AHCYL2: variants seen among roughly 807,000 people sequenced by gnomAD.
AHCYL2 encodes adenosylhomocysteinase like 2, also known as S-adenosylhomocysteine hydrolase-like protein 2.
A neutral mutation model predicts 81.4 loss-of-function variants in AHCYL2; 28 were observed. The observed-to-expected ratio is 0.34, with a 90% confidence interval of 0.25 to 0.47. The LOEUF is 0.47. Among genes scored for constraint, AHCYL2 ranks in the 20% least tolerant of loss-of-function variants. The probability of loss-of-function intolerance (pLI) is 1.00; values close to 1 mark genes in which losing one functional copy is unlikely to be tolerated. For synonymous variants in AHCYL2, 272 were observed against 290.2 expected (o/e 0.94, Z 0.64); for missense variants, 551 against 785.1 (o/e 0.70, Z 3.56).
chr7:129,340,839 C>T (rs1033445204), intron 1 of AHCYL2, among the ~76,000 whole-genome samples: 4 of 152,076 alleles, frequency 2.6e-5, no homozygotes, highest in African/African-American at 7.2e-5. Context: ...AATGTTTAAT[C>T]ACTCTTGAAT....
chr7:129,413,756 G>C (rs1442722690), intron 12 of AHCYL2, 68 bp downstream of exon 12: 1 of 1,325,120 alleles, frequency 7.5e-7, no homozygotes, highest in Admixed American at 1.7e-5. Context: ...TGGAAAATGA[G>C]AGAGCAGGGT....
rs1407425205 is a variant in AHCYL2 at position 129,225,144 on chromosome 7, G to A, written c.68G>A (p.Ser23Asn). Residue 23 changes from serine (S) to asparagine (N), a missense_variant, in exon 1 of 17, where the codon AGC (serine) becomes AAC (asparagine). By Grantham distance (46) the Ser-to-Asn change is conservative. This residue lies in a region of AHCYL2 where 235 missense variants were observed against 242.1 expected (regional missense o/e 0.97). Transcript: ENST00000325006. ...KVPEVELKDL[S>N]PSEAESQLGL... ...CCTGAGGTGGAGCTGAAGGACCTGA[G>A]CCCCTCCGAGGCGGAGTCGCAACTA... 1.2e-6 allele frequency: 2 copies of A among 1,601,836 alleles called. No individual in the cohort carries two copies.
chr7:129,237,980 A>G (rs2150684584), intron 1 of AHCYL2, among the ~76,000 whole-genome samples: 1 of 152,158 alleles, frequency 6.6e-6, no homozygotes, highest in South Asian at 2.1e-4. Flanking sequence ...TCGGCCTCCC[A>G]AAGTGCTGGG....
At chr7:129,358,591 G>A (rs1421917301) in intron 1 of AHCYL2, among the ~76,000 whole-genome samples, 1 of 152,206 alleles carries the variant, frequency 6.6e-6, no homozygotes, top group Non-Finnish European at 1.5e-5. Flanking sequence ...GGGCTGGAGG[G>A]AAGGGAGAAT....
chr7:129,307,054 G>A (rs567017721), intron 1 of AHCYL2, among the ~76,000 whole-genome samples: 6 of 152,318 alleles, frequency 3.9e-5, no homozygotes, highest in African/African-American at 1.4e-4. Context: ...CAGTCCTGAA[G>A]CCAGTAAAGT....
chr7:129,225,839 A>G (rs903777017), intron 1 of AHCYL2, among the ~76,000 whole-genome samples: 1 of 152,192 alleles, frequency 6.6e-6, no homozygotes, highest in Non-Finnish European at 1.5e-5. Context: ...AATAAGGATG[A>G]AAAGATCTTT....
At chr7:129,423,705 G>A (rs1488770845) in intron 13 of AHCYL2, among the ~76,000 whole-genome samples, 1 of 151,704 alleles carries the variant, frequency 6.6e-6, no homozygotes. Flanking sequence ...TTATATTAAA[G>A]AACCTGAATA....
chr7:129,235,227 T>C (rs1278178073), intron 1 of AHCYL2, among the ~76,000 whole-genome samples: 3 of 152,166 alleles, frequency 2.0e-5, no homozygotes, highest in African/African-American at 7.2e-5. Flanking sequence ...TTCCATCTTA[T>C]TTCTCTAGCT....
intron 1 of AHCYL2, among the ~76,000 whole-genome samples, chr7:129,340,511 T>C (rs558566860): frequency 2.0e-4 from 29 of 147,476 alleles, no homozygotes; most frequent in African/African-American, 6.5e-4. Context: ...GAACTTGCAG[T>C]GAGCCGAGAT....
intron 5 of AHCYL2, among the ~76,000 whole-genome samples, chr7:129,398,705 C>G (rs999545352): frequency 2.6e-5 from 4 of 151,758 alleles, no homozygotes; most frequent in African/African-American, 9.7e-5. Context: ...TAAACAAATG[C>G]TTACTGACCT....
At position 129,336,071 on chromosome 7, in the gene AHCYL2, CT is replaced by C. The variant is rs11373631; in HGVS notation, c.364-43550del. 6.2e-3 allele frequency among the ~76,000 whole-genome samples: 734 copies of C among 118,400 alleles called. 5 individuals carry two copies. Among genetic ancestry groups the C allele is most frequent in the African/African-American group, 0.024 (668 of 27,368 alleles). The allele number at this position is 118,400 out of a possible 152,430, so 77.7% of individuals were successfully genotyped here. A position where few individuals can be genotyped will look rare whatever the true frequency, so the allele number is the denominator to read the frequency against. On this transcript the variant is annotated intron_variant, in intron 1 of 16. Coordinates refer to ENST00000325006, the MANE Select transcript of AHCYL2 (RefSeq NM_015328.4). ...CTTCTTTTCTCTTCTCTTTTCTTTC[CT>C]TTTTTTTTTTTTTTTTGACGGAGTC...
intron 1 of AHCYL2, among the ~76,000 whole-genome samples, chr7:129,317,957 A>G (rs1186966744): frequency 6.6e-6 from 1 of 152,232 alleles, no homozygotes; most frequent in Non-Finnish European, 1.5e-5. Context: ...AGGAGGATTC[A>G]CACTGAAAAT....
chr7:129,284,619 A>AG (rs1172542501), intron 1 of AHCYL2, among the ~76,000 whole-genome samples: 1 of 151,098 alleles, frequency 6.6e-6, no homozygotes, highest in Non-Finnish European at 1.5e-5. Context: ...AAAAAAAAAA[A>AG]GCTTGGAATA....
chr7:129,292,760 CTG>C (rs1341871165), intron 1 of AHCYL2, among the ~76,000 whole-genome samples: 1 of 151,190 alleles, frequency 6.6e-6, no homozygotes, highest in Non-Finnish European at 1.5e-5. Context: ...GAGTGAGACT[CTG>C]TCTTAAAAAA....
intron 1 of AHCYL2, among the ~76,000 whole-genome samples, chr7:129,337,211 G>C (rs1220440568): frequency 4.6e-5 from 7 of 151,894 alleles, no homozygotes; most frequent in Non-Finnish European, 1.0e-4. Context: ...ATTTTTTTGA[G>C]TGTATTTCCA....
chr7:129,373,101 A>T (rs539540917), intron 1 of AHCYL2, among the ~76,000 whole-genome samples: 57 of 150,888 alleles, frequency 3.8e-4, no homozygotes, highest in African/African-American at 1.0e-3. Context: ...GCTGAAAAAA[A>T]TTTTTTTTTT....
chr7:129,228,911 T>G (rs1794320298), intron 1 of AHCYL2, among the ~76,000 whole-genome samples: 1 of 152,194 alleles, frequency 6.6e-6, no homozygotes, highest in Non-Finnish European at 1.5e-5. Flanking sequence ...TTTGGTTAAT[T>G]ATAGAGTACT....
intron 11 of AHCYL2, among the ~76,000 whole-genome samples, chr7:129,412,017 T>G (rs1298184005): frequency 6.6e-6 from 1 of 152,128 alleles, no homozygotes; most frequent in African/African-American, 2.4e-5. Flanking sequence ...GGGTGTATAG[T>G]AAGAGTAGAA....
chr7:129,405,276 T>G lies in AHCYL2; in HGVS notation c.1142+63T>G, dbSNP rs1796246318. The G allele has an allele frequency of 3.8e-6, 5 of 1,314,430 alleles. No homozygotes were observed. In the South Asian group the frequency reaches 7.2e-5, roughly 19 times the overall value. 81.4% of individuals were successfully genotyped at this position (1,314,430 alleles called of 1,614,324 possible). A position where few individuals can be genotyped will look rare whatever the true frequency, so the allele number is the denominator to read the frequency against. On this transcript the variant is annotated intron_variant, in intron 8 of 16. Coordinates refer to ENST00000325006, the MANE Select transcript of AHCYL2 (RefSeq NM_015328.4). ...CAGTTGAGATTCTAAGTTTTTTGGCTTTGGTTATTTCTGGAAAGGATTCAT... is the reference window on the plus strand; with the variant it reads ...CAGTTGAGATTCTAAGTTTTTTGGCGTTGGTTATTTCTGGAAAGGATTCAT...
Sources: allele counts gnomAD v4.1 joint callset (sites outside exome capture counted in the v4.1 genomes callset), GRCh38; gene constraint gnomAD v4.1.1; regional missense constraint gnomAD v4.1.1; transcripts MANE v1.5; gene names NCBI Gene and HGNC (gene_info 2026-07-23, HGNC 2026-07-21).